The following SDC3 variants were observed in gnomAD, a reference collection of about 807,000 sequenced individuals.
SDC3 encodes syndecan-3.
SDC3 carries 13 observed loss-of-function variants against 24.4 expected under a neutral mutation model. That is an observed-to-expected ratio of 0.53 (90% confidence interval 0.35 to 0.85). SDC3 has a LOEUF of 0.85. Ranked by LOEUF, SDC3 falls within the 40% of genes least tolerant of loss-of-function variation. SDC3 has a pLI of 0.01. For synonymous variants in SDC3, 295 were observed against 260.9 expected (o/e 1.13, Z -1.26); for missense variants, 571 against 584.5 (o/e 0.98, Z 0.24).
At chr1:30,884,802 T>G (rs770177018) in intron 1 of SDC3, among the ~76,000 whole-genome samples, 5 of 152,122 alleles carry the variant, frequency 3.3e-5, no homozygotes, top group Non-Finnish European at 4.4e-5. Context: ...GTCAAGGAGA[T>G]CCAGGACAAT....
intron 1 of SDC3, among the ~76,000 whole-genome samples, chr1:30,882,008 G>A (rs774489375): frequency 2.0e-5 from 3 of 152,140 alleles, no homozygotes; most frequent in East Asian, 1.9e-4. Flanking sequence ...GCCAGCACAC[G>A]ATGGTGATAA....
chr1:30,869,998 C>T lies in SDC3; in HGVS notation c.*3213G>A. The T allele has an allele frequency of 2.5e-6, 1 of 397,950 alleles. No individual in the cohort carries two copies. Among genetic ancestry groups the T allele is most frequent in the East Asian group, 3.6e-5 (1 of 28,078 alleles). The allele number at this position is 397,950 out of a possible 1,614,324, so 24.7% of individuals were successfully genotyped here. ...GTCTCGATGCCTCTGTAAATCTGTA[C>T]AGTTTGCGGGCTTCTATTTACAGGC... On this transcript the variant is annotated 3_prime_UTR_variant, in exon 5 of 5. Transcript: ENST00000339394.
intron 1 of SDC3, among the ~76,000 whole-genome samples, chr1:30,898,161 G>A (rs1038939495): frequency 1.3e-5 from 2 of 152,088 alleles, no homozygotes; most frequent in African/African-American, 2.4e-5. Flanking sequence ...CATCAGAAAG[G>A]GCGGCCCCTA....
chr1:30,877,060 G>A lies in SDC3; in HGVS notation c.362C>T (p.Pro121Leu). 1 of 1,613,988 alleles carries A rather than the reference G, an allele frequency of 6.2e-7. No homozygotes were observed. The highest frequency in any genetic ancestry group is 8.5e-7 in the Non-Finnish European group (1 of 1,179,984). ...GAGCTCTTCAAATGGTGTGCCCACAGGCTGGATGTTCGTGGTGGGCAGCAC... is the reference window on the plus strand; with the variant it reads ...GAGCTCTTCAAATGGTGTGCCCACAAGCTGGATGTTCGTGGTGGGCAGCAC... ...PAVLPTTNIQ[P>L]VGTPFEELPS... Residue 121 changes from proline (P) to leucine (L), a missense_variant, in exon 3 of 5, where the codon CCT (proline) becomes CTT (leucine). Transcript: ENST00000339394.
chr1:30,897,159 A>T (rs902792200), intron 1 of SDC3, among the ~76,000 whole-genome samples: 1 of 152,190 alleles, frequency 6.6e-6, no homozygotes, highest in African/African-American at 2.4e-5. Flanking sequence ...ACAAGTACAG[A>T]AAAGGAACAT....
At chr1:30,898,181 C>A (rs1377043121) in intron 1 of SDC3, among the ~76,000 whole-genome samples, 1 of 152,158 alleles carries the variant, frequency 6.6e-6, no homozygotes, top group Non-Finnish European at 1.5e-5. Flanking sequence ...ACAGCAGTGA[C>A]CCCTCGCCGC....
intron 1 of SDC3, among the ~76,000 whole-genome samples, chr1:30,890,447 C>T (rs1016094071): frequency 3.9e-5 from 6 of 152,122 alleles, no homozygotes; most frequent in African/African-American, 1.2e-4. Flanking sequence ...TAGGCAAATC[C>T]ATACAGACAG....
chr1:30,882,946 G>A (rs1040329508), intron 1 of SDC3, among the ~76,000 whole-genome samples: 3 of 152,224 alleles, frequency 2.0e-5, no homozygotes, highest in East Asian at 1.9e-4. Context: ...GCTGTGGGAA[G>A]GGGCTAAGCA....
chr1:30,901,460 G>C (rs763207239), intron 1 of SDC3, among the ~76,000 whole-genome samples: 1 of 152,186 alleles, frequency 6.6e-6, no homozygotes, highest in South Asian at 2.1e-4. Context: ...AAATAACAAG[G>C]CCTCTCTGGA....
At chr1:30,905,503 G>A (rs755562397) in intron 1 of SDC3, among the ~76,000 whole-genome samples, 8 of 151,794 alleles carry the variant, frequency 5.3e-5, no homozygotes, top group Non-Finnish European at 8.8e-5. Flanking sequence ...CAGCCACTGG[G>A]CTAAAAGCTT....
At position 30,876,630 on chromosome 1, in the gene SDC3, G is replaced by C. The variant is rs750360028; in HGVS notation, c.792C>G (p.Thr264=). ...TCTCAGGGATGTCAGGCTCCTGGGT[G>C]GTGGCCGGCCTGGGAAGGGCTCTTG... is the stretch of plus-strand genomic sequence containing the variant. ...SRPRALPRPA[T]TQEPDIPERS... is the part of the protein sequence containing the mutation. Residue 264 remains threonine, a synonymous_variant, in exon 3 of 5, where the codon ACC becomes ACG. Transcript: ENST00000339394. The C allele has an allele frequency of 5.1e-6, 8 of 1,577,496 alleles. No individual in the cohort carries two copies. The highest frequency in any genetic ancestry group is 6.9e-6 in the Non-Finnish European group (8 of 1,161,838).
chr1:30,903,354 C>T (rs1638451966), intron 1 of SDC3, among the ~76,000 whole-genome samples: 2 of 152,310 alleles, frequency 1.3e-5, no homozygotes, highest in East Asian at 1.9e-4. Flanking sequence ...AGATTCCAAA[C>T]ATTTCCCCTC....
chr1:30,876,289 C>G (rs1025084187), intron 3 of SDC3, among the ~76,000 whole-genome samples: 1 of 152,146 alleles, frequency 6.6e-6, no homozygotes, highest in African/African-American at 2.4e-5. Flanking sequence ...GCCCGGCCCC[C>G]CTTGTCACCA....
Position 30,898,163 on chromosome 1 carries a change from C to T in SDC3, c.138+10286G>A, listed in dbSNP as rs775870485. Among the ~76,000 whole-genome samples the T allele has an allele frequency of 5.3e-5, 8 of 152,242 alleles. No individual in the cohort carries two copies. The East Asian group carries it at 9.7e-4, about 18-fold the overall frequency. On this transcript the variant is annotated intron_variant, in intron 1 of 4. Transcript: ENST00000339394. ...TGAAACACACTCTCATCAGAAAGGG[C>T]GGCCCCTACAGCAGTGACCCCTCGC... is the stretch of plus-strand genomic sequence containing the variant.
chr1:30,883,931 T>C (rs1639782543), intron 1 of SDC3, among the ~76,000 whole-genome samples: 1 of 152,166 alleles, frequency 6.6e-6, no homozygotes, highest in South Asian at 2.1e-4. Context: ...CCCTCAGTCC[T>C]GTGAGAACTC....
chr1:30,889,138 G>A (rs542167766), intron 1 of SDC3, among the ~76,000 whole-genome samples: 1 of 152,198 alleles, frequency 6.6e-6, no homozygotes, highest in Non-Finnish European at 1.5e-5. Context: ...ACGCGACTCT[G>A]GGCAAGTCAG....
intron 1 of SDC3, among the ~76,000 whole-genome samples, chr1:30,893,304 C>G (rs1279323788): frequency 4.9e-4 from 5 of 10,104 alleles, no homozygotes; most frequent in African/African-American, 2.3e-3. Context: ...CCACCAGGAG[C>G]CCCCCCCCCC....
Position 30,873,076 on chromosome 1 carries a change from G to T in SDC3, c.*135C>A. ...GATCTGTGTGAGGCTGGCAGCCTGG[G>T]CAGACCTTGGGAGAGAGGGCAGAGA... On this transcript the variant is annotated 3_prime_UTR_variant, in exon 5 of 5. Transcript: ENST00000339394. The T allele has an allele frequency of 2.8e-6, 2 of 704,436 alleles. No homozygotes were observed. Among genetic ancestry groups the T allele is most frequent in the South Asian group, 1.7e-5 (1 of 58,646 alleles). The allele number at this position is 704,436 out of a possible 1,614,324, so 43.6% of individuals were successfully genotyped here. A position where few individuals can be genotyped will look rare whatever the true frequency, so the allele number is the denominator to read the frequency against.
chr1:30,882,682 C>T (rs1639763787), intron 1 of SDC3, among the ~76,000 whole-genome samples: 1 of 152,152 alleles, frequency 6.6e-6, no homozygotes, highest in South Asian at 2.1e-4. Context: ...GCAGGGGACA[C>T]GTTCAGGAAG....
Sources: gnomAD v4.1 joint callset for allele counts (sites outside exome capture counted in the v4.1 genomes callset) on GRCh38, gnomAD v4.1.1 for gene constraint, MANE v1.5 for transcripts, NCBI Gene and HGNC (gene_info 2026-07-23, HGNC 2026-07-21) for gene names.